The following ATRNL1 variants were observed in gnomAD, a reference collection of about 807,000 sequenced individuals.
ATRNL1 encodes the protein attractin-like protein 1.
ATRNL1 carries 95 observed loss-of-function variants against 182.7 expected under a neutral mutation model. That is an observed-to-expected ratio of 0.52 (90% CI 0.44 to 0.62). The LOEUF (loss-of-function observed/expected upper bound fraction) is 0.62. ATRNL1 is among the 20% of genes least tolerant of loss of function. The probability of loss-of-function intolerance (pLI) is 0.00; values close to 1 mark genes in which losing one functional copy is unlikely to be tolerated. For synonymous variants in ATRNL1, 576 were observed against 568.3 expected, an observed-to-expected ratio of 1.01 and a Z score of -0.19; for missense variants, 1,471 against 1,679.5, an observed-to-expected ratio of 0.88 and a Z score of 2.17.
rs113401959 is a variant in ATRNL1, at chr10:115,513,624, T to G, written c.3655-5639T>G. Among the ~76,000 whole-genome samples the G allele has an allele frequency of 6.4e-3, 967 of 152,088 alleles. 6 individuals carry two copies. The highest frequency in any genetic ancestry group is 0.022 in the African/African-American group (921 of 41,542). ...TTGAAAGAGAATCTGATTGAGTTAG[T>G]GTCTGCTTGGCATTGCTTACTAATT... is the stretch of plus-strand genomic sequence containing the variant. On this transcript the variant is annotated intron_variant, in intron 24 of 28. Transcript: ENST00000355044.
intron 24 of ATRNL1, among the ~76,000 whole-genome samples, chr10:115,510,116 CTTTA>C (rs1260600467): frequency 1.3e-5 from 2 of 151,954 alleles, no homozygotes; most frequent in African/African-American, 4.8e-5. Flanking sequence ...AATGATAAAA[CTTTA>C]TTAATGAGAT....
intron 28 of ATRNL1, among the ~76,000 whole-genome samples, chr10:115,942,575 A>G (rs56045626): frequency 0.2 from 30,852 of 152,190 alleles, 3,182 homozygotes; most frequent in African/African-American, 0.22. Context: ...CTCTGAATTC[A>G]GTTCCTGCCA....
chr10:115,416,548 A>G (rs1845399823), intron 20 of ATRNL1, among the ~76,000 whole-genome samples: 1 of 152,148 alleles, frequency 6.6e-6, no homozygotes, highest in Admixed American at 6.5e-5. Flanking sequence ...TTGATTCTTA[A>G]CAAGGTGGTG....
Position 115,124,101 on chromosome 10 carries a change from C to T in ATRNL1, c.491+2289C>T, listed in dbSNP as rs148396083. Among the ~76,000 whole-genome samples the T allele has an allele frequency of 6.1e-3, 934 of 152,048 alleles. 1 individual carries two copies. Among genetic ancestry groups the T allele is most frequent in the Non-Finnish European group, 0.011 (721 of 67,988 alleles). ...ATGCTTGAATCATCCCAAAATCATCCTCCCCCGGTCTGTGGAAATTTTGTC... is the reference window on the plus strand; with the variant it reads ...ATGCTTGAATCATCCCAAAATCATCTTCCCCCGGTCTGTGGAAATTTTGTC... On this transcript the variant is annotated intron_variant, in intron 3 of 28. Coordinates refer to ENST00000355044, the MANE Select transcript of ATRNL1 (RefSeq NM_207303.4).
At chr10:115,771,507 G>A (rs1948991776) in intron 27 of ATRNL1, among the ~76,000 whole-genome samples, 2 of 152,174 alleles carry the variant, frequency 1.3e-5, no homozygotes, top group Admixed American at 1.3e-4. Flanking sequence ...TGGGATTACA[G>A]GCGTGAGCCA....
chr10:115,533,968 A>T (rs2133757711), intron 25 of ATRNL1, among the ~76,000 whole-genome samples: 1 of 145,386 alleles, frequency 6.9e-6, no homozygotes, highest in Non-Finnish European at 1.5e-5. Context: ...GGTCTGAGAG[A>T]CAGTTTGTTA....
intron 19 of ATRNL1, among the ~76,000 whole-genome samples, chr10:115,365,831 T>G (rs2134173800): frequency 6.6e-6 from 1 of 152,318 alleles, no homozygotes; most frequent in South Asian, 2.1e-4. Flanking sequence ...TTGAGCGATT[T>G]TGAGTGAGAT....
At position 115,268,373 on chromosome 10, in the gene ATRNL1, A is replaced by G; in HGVS notation, c.2029A>G (p.Thr677Ala). Residue 677 changes from threonine (T) to alanine (A), a missense_variant, in exon 13 of 29, where the codon ACT becomes GCT. Physicochemically the swap from Thr to Ala is moderately conservative, Grantham distance 58. Transcript: ENST00000355044. ...CYRYADCASCTANTNGCQWCD... is the reference protein window; with the variant it reads ...CYRYADCASCAANTNGCQWCD... ...CAGATATGCAGATTGTGCCAGCTGT[A>G]CTGCCAATACAAATGGGTGCCAATG... 6.2e-7 allele frequency: 1 copy of G among 1,613,758 alleles called. No individual in the cohort carries two copies. Among genetic ancestry groups the G allele is most frequent in the Non-Finnish European group, 8.5e-7 (1 of 1,179,782 alleles).
At chr10:115,203,893 G>A (rs1848699454) in intron 8 of ATRNL1, among the ~76,000 whole-genome samples, 1 of 151,286 alleles carries the variant, frequency 6.6e-6, no homozygotes, top group African/African-American at 2.4e-5. Context: ...CACCGCACCT[G>A]GCCTAGATTG....
intron 26 of ATRNL1, among the ~76,000 whole-genome samples, chr10:115,602,264 G>A (rs1555016144): frequency 2.6e-5 from 4 of 152,132 alleles, no homozygotes. Context: ...TGAGGCAGGA[G>A]AATCTCTTGA....
At chr10:115,371,262 T>C (rs1857379806) in intron 19 of ATRNL1, among the ~76,000 whole-genome samples, 1 of 152,148 alleles carries the variant, frequency 6.6e-6, no homozygotes, top group Non-Finnish European at 1.5e-5. Flanking sequence ...GAGTCCCCAC[T>C]AGGTGTGATG....
intron 26 of ATRNL1, among the ~76,000 whole-genome samples, chr10:115,587,165 G>A (rs1855570849): frequency 6.7e-6 from 1 of 148,988 alleles, no homozygotes; most frequent in African/African-American, 2.4e-5. Flanking sequence ...AAAGCTGTCA[G>A]ACAGGGACAT....
intron 20 of ATRNL1, among the ~76,000 whole-genome samples, chr10:115,397,525 G>A (rs1554955937): frequency 1.3e-5 from 2 of 151,892 alleles, no homozygotes; most frequent in Admixed American, 1.3e-4. Context: ...ATACCACAAT[G>A]TAAGTGTTCA....
rs545855486 is a variant in ATRNL1 at position 115,662,086 on chromosome 10, T to C, written c.3796-65162T>C. Among the ~76,000 whole-genome samples the C allele has an allele frequency of 1.7e-3, 263 of 152,128 alleles. 2 individuals carry two copies. The highest frequency in any genetic ancestry group is 4.0e-4 in the Non-Finnish European group (27 of 67,982). ...GAATGATGGTTTCCAGCTTCATCCA[T>C]GTCCCTACAAAGGACATGAACTCAT... is the stretch of plus-strand genomic sequence containing the variant. On this transcript the variant is annotated intron_variant, in intron 26 of 28. Transcript: ENST00000355044.
At chr10:115,147,405 C>T (rs1846020872) in intron 5 of ATRNL1, among the ~76,000 whole-genome samples, 1 of 152,114 alleles carries the variant, frequency 6.6e-6, no homozygotes, top group African/African-American at 2.4e-5. Flanking sequence ...TATTTTCTCC[C>T]ATCCTGCAGG....
intron 28 of ATRNL1, among the ~76,000 whole-genome samples, chr10:115,919,788 A>G (rs1191031043): frequency 6.6e-6 from 1 of 152,122 alleles, no homozygotes; most frequent in Non-Finnish European, 1.5e-5. Context: ...AGATTTGGTG[A>G]CTGGTGAGGG....
At chr10:115,744,897 T>A (rs2134105486) in intron 27 of ATRNL1, among the ~76,000 whole-genome samples, 1 of 152,270 alleles carries the variant, frequency 6.6e-6, no homozygotes, top group African/African-American at 2.4e-5. Flanking sequence ...ATATCTTAAT[T>A]GTAAAATTTT....
At chr10:115,096,805 C>A in intron 1 of ATRNL1, 1 of 1,188,184 alleles carries the variant, frequency 8.4e-7, no homozygotes, top group South Asian at 1.6e-5. Context: ...AAGAATAAAG[C>A]ACTCAGAATA....
chr10:115,882,349 T>G (rs1041931941), intron 28 of ATRNL1, among the ~76,000 whole-genome samples: 1 of 152,180 alleles, frequency 6.6e-6, no homozygotes, highest in Non-Finnish European at 1.5e-5. Flanking sequence ...TGGGAAGATA[T>G]TCACCGAACT....
Sources: allele counts gnomAD v4.1 joint callset (sites outside exome capture counted in the v4.1 genomes callset), GRCh38; gene constraint gnomAD v4.1.1; transcripts MANE v1.5; gene names NCBI Gene and HGNC (gene_info 2026-07-23, HGNC 2026-07-21).